PUM3: variants seen among roughly 807,000 people sequenced by gnomAD.
The protein encoded by PUM3 is pumilio homolog 3.
A neutral mutation model predicts 84.0 loss-of-function variants in PUM3; 91 were observed. That is an observed-to-expected ratio of 1.08 (90% CI 0.91 to 1.29). The LOEUF (loss-of-function observed/expected upper bound fraction) is 1.29. Among genes scored for constraint, PUM3 ranks in the 50% most tolerant of loss-of-function variants. The pLI is 0.00. For missense variants in PUM3, 1,067 were observed against 767.5 expected, an observed-to-expected ratio of 1.39 and a Z score of -4.61; for synonymous variants, 321 against 266.7, an observed-to-expected ratio of 1.20 and a Z score of -1.98.
At chr9:2,829,340 T>C (rs1815909437) in intron 8 of PUM3, among the ~76,000 whole-genome samples, 1 of 152,186 alleles carries the variant, frequency 6.6e-6, no homozygotes, top group Admixed American at 6.5e-5. Flanking sequence ...TCTGTTCCCC[T>C]TCATCTCCAG....
At chr9:2,843,585 T>TG (rs1816324792) in intron 1 of PUM3, among the ~76,000 whole-genome samples, 2 of 144,128 alleles carry the variant, frequency 1.4e-5, no homozygotes, top group African/African-American at 5.2e-5. Context: ...TTTTTTTTTT[T>TG]TTTTTTTTTT....
chr9:2,835,622 A>G (rs569721458), intron 3 of PUM3, among the ~76,000 whole-genome samples: 1 of 152,286 alleles, frequency 6.6e-6, no homozygotes, highest in South Asian at 2.1e-4. Flanking sequence ...ATTTACCATT[A>G]TATTAATATG....
intron 17 of PUM3, among the ~76,000 whole-genome samples, chr9:2,804,894 C>A (rs780754748): frequency 6.6e-6 from 1 of 152,152 alleles, no homozygotes; most frequent in African/African-American, 2.4e-5. Flanking sequence ...ATGCCCACCA[C>A]GTGGCTGAAT....
At chr9:2,832,328 A>G (rs1816005152) in intron 5 of PUM3, among the ~76,000 whole-genome samples, 1 of 152,190 alleles carries the variant, frequency 6.6e-6, no homozygotes, top group Non-Finnish European at 1.5e-5. Flanking sequence ...TGAGGGAAGT[A>G]AGGTTATGAG....
intron 10 of PUM3, among the ~76,000 whole-genome samples, chr9:2,825,965 T>G (rs10968361): frequency 0.47 from 71,811 of 151,936 alleles, 17,408 homozygotes; most frequent in South Asian, 0.58. Context: ...CAGCCTCAAG[T>G]ATCTAACAAT....
chr9:2,832,005 C>A (rs1815995841), intron 5 of PUM3, among the ~76,000 whole-genome samples: 1 of 152,134 alleles, frequency 6.6e-6, no homozygotes, highest in Non-Finnish European at 1.5e-5. Flanking sequence ...TCTAGAGCGC[C>A]CTCCACGAAT....
intron 1 of PUM3, among the ~76,000 whole-genome samples, chr9:2,839,017 C>T (rs535089499): frequency 6.6e-6 from 1 of 152,170 alleles, no homozygotes; most frequent in East Asian, 1.9e-4. Flanking sequence ...CAATCCAACA[C>T]AGCTAAAACA....
At chr9:2,808,187 T>A (rs1345651363) in intron 16 of PUM3, among the ~76,000 whole-genome samples, 1 of 152,236 alleles carries the variant, frequency 6.6e-6, no homozygotes, top group Non-Finnish European at 1.5e-5. Context: ...CTTGGTTATG[T>A]CTGCACTTCT....
At chr9:2,838,373 C>T in intron 2 of PUM3, 53 bp downstream of exon 2, 1 of 1,191,510 alleles carries the variant, frequency 8.4e-7, no homozygotes, top group South Asian at 1.2e-5. Flanking sequence ...ACTACATGCC[C>T]TCCCATCCCC....
intron 9 of PUM3, 49 bp from the exon 10 acceptor site, chr9:2,827,200 A>G (rs1158682244): frequency 7.7e-7 from 1 of 1,305,520 alleles, no homozygotes. Flanking sequence ...CTGGCACTAC[A>G]GTCATACAAA....
chr9:2,810,198 C>T, intron 16 of PUM3, 146 bp downstream of exon 16: 1 of 623,692 alleles, frequency 1.6e-6, no homozygotes, highest in Non-Finnish European at 2.8e-6. Context: ...CCAGCAACCA[C>T]TGAATCATTT....
In PUM3 at chr9:2,826,990, C is replaced by A. The variant is rs113956641; in HGVS notation, c.1035+83G>T. On this transcript the variant is annotated intron_variant, in intron 10 of 17. Transcript: ENST00000397885. ...AAGCAACTCTAAAATTTCCACAAGA[C>A]AACGTACATCAAAGCAGTTTTTCAA... 4 of 1,022,298 alleles carry A rather than the reference C, an allele frequency of 3.9e-6. No individual in the cohort carries two copies. In the African/African-American group the frequency reaches 6.5e-5, roughly 17 times the overall value. The allele number at this position is 1,022,298 out of a possible 1,614,324, so 63.3% of individuals were successfully genotyped here. A position where few individuals can be genotyped will look rare whatever the true frequency, so the allele number is the denominator to read the frequency against.
chr9:2,805,124 A>C (rs1360373593), intron 17 of PUM3, among the ~76,000 whole-genome samples: 1 of 152,332 alleles, frequency 6.6e-6, no homozygotes, highest in Non-Finnish European at 1.5e-5. Flanking sequence ...GGGATTCACA[A>C]CAGAGTCCAC....
chr9:2,820,631 T>C (rs887036665), intron 12 of PUM3, among the ~76,000 whole-genome samples: 71 of 152,312 alleles, frequency 4.7e-4, no homozygotes, highest in African/African-American at 1.6e-3. Context: ...CAAATGATTT[T>C]TAATTTTCTT....
At position 2,815,009 on chromosome 9, in the gene PUM3, T is replaced by C. The variant is rs1371549129; in HGVS notation, c.1270-2647A>G. On this transcript the variant is annotated intron_variant, in intron 13 of 17. Transcript: ENST00000397885. ...TATGGCTTGGGCAGAAATGGTTTTA[T>C]AAAATGAGAAACTGGGACTTCATGA... Among the ~76,000 whole-genome samples, 8 of 152,192 alleles carry C rather than the reference T, an allele frequency of 5.3e-5. No individual in the cohort carries two copies. The South Asian group carries it at 1.7e-3, about 32-fold the overall frequency.
chr9:2,824,298 A>G (rs1815747636), intron 11 of PUM3, among the ~76,000 whole-genome samples: 1 of 152,212 alleles, frequency 6.6e-6, no homozygotes, highest in Admixed American at 6.5e-5. Context: ...TTCTGTGATT[A>G]ATAAGGATCT....
At chr9:2,811,732 A>T (rs535172058) in intron 14 of PUM3, 149 bp from the exon 15 acceptor site, 28 of 630,572 alleles carry the variant, frequency 4.4e-5, no homozygotes, top group African/African-American at 4.0e-4. Context: ...GTAGACAATA[A>T]GTGATACGAG....
intron 10 of PUM3, among the ~76,000 whole-genome samples, chr9:2,826,143 GAA>G (rs1815814313): frequency 2.7e-5 from 4 of 150,922 alleles, no homozygotes; most frequent in African/African-American, 9.8e-5. Context: ...CCCAATACCA[GAA>G]AAGACAATTT....
Position 2,804,241 on chromosome 9 carries a change from G to A in PUM3, c.*90C>T. On this transcript the variant is annotated 3_prime_UTR_variant, in exon 18 of 18. Transcript: ENST00000397885. ...CATATACAGAGTACCCCAATTACCA[G>A]TATGGTGGACCCTACCCCTTCTTTT... 4.6e-6 allele frequency: 6 copies of A among 1,303,488 alleles called. No homozygotes were observed. The highest frequency in any genetic ancestry group is 1.4e-5 in the South Asian group (1 of 69,526). 80.7% of individuals were successfully genotyped at this position (1,303,488 alleles called of 1,614,324 possible).
Sources: gnomAD v4.1 joint callset for allele counts (sites outside exome capture counted in the v4.1 genomes callset) on GRCh38, gnomAD v4.1.1 for gene constraint, MANE v1.5 for transcripts, NCBI Gene and HGNC (gene_info 2026-07-23, HGNC 2026-07-21) for gene names.